Variants in APBA2 observed in about 807,000 individuals in gnomAD.
APBA2 encodes the protein amyloid-beta A4 precursor protein-binding family A member 2.
Under a neutral mutation model 75.0 loss-of-function variants are expected in APBA2, and 30 were observed. The ratio of observed to expected loss-of-function variants is 0.40; its 90% confidence interval spans 0.30 to 0.54. The LOEUF (loss-of-function observed/expected upper bound fraction) is 0.54. APBA2 is among the 20% of genes least tolerant of loss of function. APBA2 has a pLI of 0.49. For synonymous variants in APBA2, 444 were observed against 409.6 expected (o/e 1.08, Z -1.01); for missense variants, 801 against 1,016.1 (o/e 0.79, Z 2.88).
chr15:28,926,619 C>G (rs906672086), intron 2 of APBA2, among the ~76,000 whole-genome samples: 6 of 151,782 alleles, frequency 4.0e-5, no homozygotes, highest in African/African-American at 1.5e-4. Flanking sequence ...TTTTTGAATA[C>G]CTCTTTTTTA....
At chr15:29,050,416 G>C (rs1313456078) in intron 3 of APBA2, among the ~76,000 whole-genome samples, 1 of 152,142 alleles carries the variant, frequency 6.6e-6, no homozygotes, top group East Asian at 1.9e-4. Flanking sequence ...AGAAAGAAAT[G>C]CAAAAAGTAT....
chr15:29,116,995 T>C, intron 14 of APBA2, 67 bp from the exon 15 acceptor site: 7 of 1,536,830 alleles, frequency 4.6e-6, no homozygotes, highest in Non-Finnish European at 4.5e-6. Flanking sequence ...CTCTGTCCTT[T>C]GCTTTCACCT....
At chr15:29,044,828 A>G (rs963351712) in intron 3 of APBA2, among the ~76,000 whole-genome samples, 2 of 152,200 alleles carry the variant, frequency 1.3e-5, no homozygotes, top group African/African-American at 4.8e-5. Context: ...CTATATCAAA[A>G]AACACCATAG....
chr15:28,992,565 G>A (rs777432854), intron 2 of APBA2, among the ~76,000 whole-genome samples: 5 of 152,146 alleles, frequency 3.3e-5, no homozygotes, highest in Admixed American at 6.5e-5. Context: ...AGCAAACCTC[G>A]TGCGTGGTGT....
intron 4 of APBA2, among the ~76,000 whole-genome samples, chr15:29,072,310 T>C (rs1202839126): frequency 2.0e-5 from 3 of 152,254 alleles, no homozygotes; most frequent in Admixed American, 2.0e-4. Context: ...TGGGGAACTT[T>C]CAGACAAGTG....
chr15:28,905,646 C>T (rs879604623), intron 1 of APBA2, among the ~76,000 whole-genome samples: 9 of 152,202 alleles, frequency 5.9e-5, no homozygotes, highest in Admixed American at 5.2e-4. Flanking sequence ...CCGCCTCAGT[C>T]TCCTGAGTAG....
intron 2 of APBA2, among the ~76,000 whole-genome samples, chr15:28,976,080 A>C (rs1382663855): frequency 6.6e-6 from 1 of 152,216 alleles, no homozygotes; most frequent in Non-Finnish European, 1.5e-5. Context: ...AAAGTAACAG[A>C]TATGTTTCTA....
chr15:28,886,010 G>C lies in APBA2; in HGVS notation c.-473G>C, dbSNP rs1393449976. ...CGCGGGTGAGGCGGAAGCGGCCGGG[G>C]CGGGGGCGCAGGCCCGGCAGCCGCA... On this transcript the variant is annotated 5_prime_UTR_variant, in exon 1 of 15. Transcript: ENST00000683413. 1 of 150,054 alleles carries C rather than the reference G, an allele frequency of 6.7e-6. No individual in the cohort carries two copies. The highest frequency in any genetic ancestry group is 2.4e-5 in the African/African-American group (1 of 41,206). The allele number at this position is 150,054 out of a possible 1,614,324, so 9.3% of individuals were successfully genotyped here. A position where few individuals can be genotyped will look rare whatever the true frequency, so the allele number is the denominator to read the frequency against.
intron 13 of APBA2, 47 bp downstream of exon 13, chr15:29,108,436 C>A: frequency 6.2e-7 from 1 of 1,613,192 alleles, no homozygotes; most frequent in Non-Finnish European, 8.5e-7. Context: ...CTGCAGGGCC[C>A]AGGGAGGGGG....
At chr15:29,030,197 C>T (rs2040418676) in intron 3 of APBA2, among the ~76,000 whole-genome samples, 1 of 152,148 alleles carries the variant, frequency 6.6e-6, no homozygotes, top group African/African-American at 2.4e-5. Flanking sequence ...CGGTGGCTCA[C>T]GCCTGTAATC....
chr15:29,053,209 G>A lies in APBA2; in HGVS notation c.-40-636G>A, dbSNP rs181915616. Among the ~76,000 whole-genome samples the A allele has an allele frequency of 1.5e-4, 23 of 152,294 alleles. No homozygotes were observed. The East Asian group carries it at 3.7e-3, about 24-fold the overall frequency. On this transcript the variant is annotated intron_variant, in intron 3 of 14. Coordinates refer to ENST00000683413, the MANE Select transcript of APBA2 (RefSeq NM_001353788.2). ...GTCCTCTTCTCCCCATGGCCGAGCA[G>A]TGCTGTCCCCTCTGCTGAGCCCTCC...
At position 29,093,059 on chromosome 15, in the gene APBA2, C is replaced by G. The variant is rs1341445497; in HGVS notation, c.1070-16C>G. On this transcript the variant is annotated splice_polypyrimidine_tract_variant and intron_variant, in intron 6 of 14. Transcript: ENST00000683413. Reference sequence around the variant, plus strand: ...CTTCTCCTCTAGGAAGACTCTGACTCTGTGCCCTCCTTCAGTTCCAGGGCC... The same window carrying G: ...CTTCTCCTCTAGGAAGACTCTGACTGTGTGCCCTCCTTCAGTTCCAGGGCC... 6.2e-7 allele frequency: 1 copy of G among 1,614,184 alleles called. No individual in the cohort carries two copies. The highest frequency in any genetic ancestry group is 8.5e-7 in the Non-Finnish European group (1 of 1,180,050).
At chr15:29,106,920 C>A in intron 12 of APBA2, 101 bp downstream of exon 12, 1 of 1,181,788 alleles carries the variant, frequency 8.5e-7, no homozygotes, top group Non-Finnish European at 1.2e-6. Flanking sequence ...CCCACTTCAC[C>A]CATGGGGAAA....
At chr15:29,024,156 A>T (rs1203164933) in intron 3 of APBA2, among the ~76,000 whole-genome samples, 3 of 152,086 alleles carry the variant, frequency 2.0e-5, no homozygotes, top group African/African-American at 7.2e-5. Flanking sequence ...CACCCACCTC[A>T]GCCTCCCAAA....
chr15:28,905,493 C>G (rs1279236620), intron 1 of APBA2, among the ~76,000 whole-genome samples: 3 of 152,152 alleles, frequency 2.0e-5, no homozygotes, highest in Non-Finnish European at 4.4e-5. Context: ...CTGGGTAGGT[C>G]AAGGTCTGAG....
At chr15:29,090,946 C>T (rs1417387064) in intron 6 of APBA2, among the ~76,000 whole-genome samples, 1 of 148,192 alleles carries the variant, frequency 6.7e-6, no homozygotes, top group African/African-American at 2.6e-5. Context: ...CCAAGCCCCC[C>T]AGCTAGGCAG....
intron 10 of APBA2, among the ~76,000 whole-genome samples, chr15:29,104,427 G>A (rs1046222026): frequency 2.6e-5 from 4 of 152,248 alleles, no homozygotes; most frequent in African/African-American, 9.6e-5. Flanking sequence ...GCTCAGTACA[G>A]CCCTCACCTC....
At chr15:28,987,495 G>A (rs963807923) in intron 2 of APBA2, among the ~76,000 whole-genome samples, 1 of 151,948 alleles carries the variant, frequency 6.6e-6, no homozygotes, top group Non-Finnish European at 1.5e-5. Flanking sequence ...AGCTGCTTGA[G>A]TGTCCTCACA....
chr15:29,100,619 T>G (rs2044072642), intron 9 of APBA2, among the ~76,000 whole-genome samples: 1 of 152,212 alleles, frequency 6.6e-6, no homozygotes, highest in Non-Finnish European at 1.5e-5. Context: ...TGGGCTACCT[T>G]GGTGTCTTTT....
Sources: allele counts gnomAD v4.1 joint callset (sites outside exome capture counted in the v4.1 genomes callset), GRCh38; gene constraint gnomAD v4.1.1; transcripts MANE v1.5; gene names NCBI Gene and HGNC (gene_info 2026-07-23, HGNC 2026-07-21).